The following MEGF11 variants were observed in gnomAD, a reference collection of about 807,000 sequenced individuals.
The protein encoded by MEGF11 is multiple epidermal growth factor-like domains protein 11.
MEGF11 carries 126 observed loss-of-function variants against 146.6 expected under a neutral mutation model. The observed-to-expected ratio is 0.86, with a 90% CI of 0.74 to 1.00. The LOEUF is 1.00. Among genes scored for constraint, MEGF11 ranks in the 50% least tolerant of loss-of-function variants. The pLI, the probability that MEGF11 is intolerant of heterozygous loss-of-function variation, is 0.00. For missense variants in MEGF11, 1,509 were observed against 1,521.2 expected (o/e 0.99, Z 0.13); for synonymous variants, 532 against 583.4 (o/e 0.91, Z 1.27).
intron 5 of MEGF11, among the ~76,000 whole-genome samples, chr15:66,005,469 T>C (rs1032851005): frequency 6.6e-6 from 1 of 152,226 alleles, no homozygotes; most frequent in Non-Finnish European, 1.5e-5. Flanking sequence ...AATACTCTTA[T>C]GATTCGTGCT....
At chr15:65,992,675 T>A (rs1195864170) in intron 5 of MEGF11, among the ~76,000 whole-genome samples, 2 of 146,258 alleles carry the variant, frequency 1.4e-5, no homozygotes, top group South Asian at 2.3e-4. Flanking sequence ...TTTTTTTTTT[T>A]AAATCAGCAT....
chr15:66,138,452 G>A (rs960124602), intron 1 of MEGF11, among the ~76,000 whole-genome samples: 1 of 152,238 alleles, frequency 6.6e-6, no homozygotes, highest in Non-Finnish European at 1.5e-5. Context: ...TTTGTCAGCT[G>A]TATTCAGAAT....
intron 7 of MEGF11, 74 bp downstream of exon 7, chr15:65,980,704 G>A: frequency 2.7e-6 from 4 of 1,472,886 alleles, no homozygotes; most frequent in Non-Finnish European, 3.6e-6. Flanking sequence ...GGCTAGTTTA[G>A]CCTTTTAAGG....
At chr15:66,169,205 G>A (rs975733622) in intron 1 of MEGF11, among the ~76,000 whole-genome samples, 9 of 152,302 alleles carry the variant, frequency 5.9e-5, no homozygotes, top group South Asian at 2.1e-4. Flanking sequence ...CCTGCCTGAC[G>A]CAGCCACTCA....
chr15:65,929,916 A>G (rs913880921), intron 11 of MEGF11, 33 bp from the exon 12 acceptor site: 1 of 1,572,470 alleles, frequency 6.4e-7, no homozygotes. Context: ...TCACTTCTCC[A>G]TCCAGGCCCA....
At chr15:66,073,400 T>G (rs746742111) in intron 5 of MEGF11, among the ~76,000 whole-genome samples, 3 of 152,186 alleles carry the variant, frequency 2.0e-5, no homozygotes, top group Non-Finnish European at 4.4e-5. Context: ...AACCCAGCAC[T>G]CCTAAGCTCC....
chr15:66,075,478 A>G (rs1387929035), intron 5 of MEGF11, among the ~76,000 whole-genome samples: 1 of 152,024 alleles, frequency 6.6e-6, no homozygotes, highest in Non-Finnish European at 1.5e-5. Flanking sequence ...TCAGAATTCA[A>G]CTCATGTCCA....
chr15:66,030,535 G>A (rs1281243196), intron 5 of MEGF11, among the ~76,000 whole-genome samples: 1 of 152,118 alleles, frequency 6.6e-6, no homozygotes, highest in Non-Finnish European at 1.5e-5. Flanking sequence ...TCAGCCTCCG[G>A]AGTAGCTGGG....
At chr15:65,955,783 T>G (rs868329681) in intron 10 of MEGF11, among the ~76,000 whole-genome samples, 6 of 8,924 alleles carry the variant, frequency 6.7e-4, no homozygotes, top group Admixed American at 6.5e-3. Context: ...TATATATATA[T>G]ATATATATAT....
chr15:65,949,716 A>AG (rs2080325247), intron 10 of MEGF11, among the ~76,000 whole-genome samples: 1 of 152,350 alleles, frequency 6.6e-6, no homozygotes, highest in African/African-American at 2.4e-5. Flanking sequence ...GGCAGCCGGA[A>AG]GGGGGTCTGA....
Position 65,930,630 on chromosome 15 carries a change from C to T in MEGF11, c.1408+193G>A, listed in dbSNP as rs144809786. On this transcript the variant is annotated intron_variant, in intron 11 of 25. Coordinates refer to ENST00000395614, the MANE Select transcript of MEGF11 (RefSeq NM_001385028.1). ...TCTTCAAACAACATTGCAATGAATC[C>T]CCTCATTACATTCCTGCTATTGAAA... 3.9e-3 allele frequency among the ~76,000 whole-genome samples: 599 copies of T among 152,318 alleles called. 4 individuals carry two copies. The highest frequency in any genetic ancestry group is 0.013 in the African/African-American group (556 of 41,566).
intron 9 of MEGF11, among the ~76,000 whole-genome samples, chr15:65,961,524 C>G (rs1290146748): frequency 6.6e-6 from 1 of 152,034 alleles, no homozygotes; most frequent in Non-Finnish European, 1.5e-5. Flanking sequence ...TTTAAGATCC[C>G]TGACACACAG....
Position 65,897,994 on chromosome 15 carries a change from A to G in MEGF11, c.3363T>C (p.Tyr1121=). ...LPRNSHIPGH[Y]DLLPVRQSPA... ...GGCTCTGTCTTACTGGGAGGAGGTC[A>G]TAATGACCAGGAATATGGCTGTTCC... The change falls in exon 26 of 26, where the codon TAT becomes TAC. Residue 1121 remains tyrosine, a synonymous_variant. Coordinates refer to ENST00000395614, the MANE Select transcript of MEGF11 (RefSeq NM_001385028.1). 1 of 1,614,062 alleles carries G rather than the reference A, an allele frequency of 6.2e-7. No individual in the cohort carries two copies. The highest frequency in any genetic ancestry group is 2.2e-5 in the East Asian group (1 of 44,896).
At position 65,928,408 on chromosome 15, in the gene MEGF11, C is replaced by T; in HGVS notation, c.1675+17G>A. The stretch of plus-strand genomic sequence containing the variant: ...GTTTCACAGTACCTGGGTGGTGGCA[C>T]AGCAAGGGAAGGTTACCTGTCCATC... On this transcript the variant is annotated intron_variant, in intron 13 of 25. Transcript: ENST00000395614. 6.4e-7 allele frequency: 1 copy of T among 1,560,866 alleles called. No individual in the cohort carries two copies.
At chr15:66,007,359 C>T (rs2082550889) in intron 5 of MEGF11, among the ~76,000 whole-genome samples, 1 of 152,212 alleles carries the variant, frequency 6.6e-6, no homozygotes, top group South Asian at 2.1e-4. Context: ...GGCTCCCCCT[C>T]AATTCAAATA....
intron 1 of MEGF11, among the ~76,000 whole-genome samples, chr15:66,170,981 G>T (rs182604180): frequency 6.6e-6 from 1 of 152,192 alleles, no homozygotes; most frequent in Non-Finnish European, 1.5e-5. Flanking sequence ...TGGATGTGAC[G>T]CCATGTCCTC....
At chr15:66,252,858 G>A (rs774594702) in intron 1 of MEGF11, among the ~76,000 whole-genome samples, 3 of 152,326 alleles carry the variant, frequency 2.0e-5, no homozygotes, top group Non-Finnish European at 4.4e-5. Context: ...TCGGGACCAC[G>A]CTCCAGGCGC....
chr15:66,251,854 C>T (rs927818931), intron 1 of MEGF11, among the ~76,000 whole-genome samples: 1 of 152,196 alleles, frequency 6.6e-6, no homozygotes, highest in Non-Finnish European at 1.5e-5. Context: ...GAATTTCTAG[C>T]GGCTTAAACA....
At chr15:66,020,866 C>T (rs932796721) in intron 5 of MEGF11, among the ~76,000 whole-genome samples, 3 of 152,066 alleles carry the variant, frequency 2.0e-5, no homozygotes, top group African/African-American at 7.2e-5. Context: ...GTGGTAGGCG[C>T]CTGTAGTCCC....
Sources: gnomAD v4.1 joint callset for allele counts (sites outside exome capture counted in the v4.1 genomes callset) on GRCh38, gnomAD v4.1.1 for gene constraint, MANE v1.5 for transcripts, NCBI Gene and HGNC (gene_info 2026-07-23, HGNC 2026-07-21) for gene names.